Variants in MYO1D observed in about 807,000 individuals in gnomAD.
MYO1D encodes myosin ID.
Under a neutral mutation model 122.0 loss-of-function variants are expected in MYO1D, and 83 were observed. That is an observed-to-expected ratio of 0.68 (90% confidence interval 0.57 to 0.82). MYO1D has a LOEUF of 0.82. MYO1D is among the 40% of genes least tolerant of loss of function. MYO1D has a pLI of 0.00. For missense variants in MYO1D, 1,157 were observed against 1,269.5 expected, an observed-to-expected ratio of 0.91 and a Z score of 1.35; for synonymous variants, 464 against 446.9, an observed-to-expected ratio of 1.04 and a Z score of -0.48.
At chr17:32,503,990 G>A (rs976878651) in intron 21 of MYO1D, among the ~76,000 whole-genome samples, 6 of 152,242 alleles carry the variant, frequency 3.9e-5, no homozygotes, top group African/African-American at 1.4e-4. Context: ...CAGCAACCAG[G>A]CCAAGTCCAG....
intron 20 of MYO1D, among the ~76,000 whole-genome samples, chr17:32,622,017 G>A (rs2087860691): frequency 6.6e-6 from 1 of 152,146 alleles, no homozygotes; most frequent in South Asian, 2.1e-4. Flanking sequence ...AAGCCACTCG[G>A]TCTGTGGTTT....
chr17:32,688,909 T>TGG (rs2089057627), intron 16 of MYO1D, among the ~76,000 whole-genome samples: 1 of 149,862 alleles, frequency 6.7e-6, no homozygotes, highest in Non-Finnish European at 1.5e-5. Flanking sequence ...TATGGTCTCT[T>TGG]TGATTTTTGA....
chr17:32,858,163 A>G (rs1242634987), intron 1 of MYO1D, among the ~76,000 whole-genome samples: 1 of 152,226 alleles, frequency 6.6e-6, no homozygotes, highest in Non-Finnish European at 1.5e-5. Flanking sequence ...CAAGAACCTA[A>G]TGAGTGAACC....
chr17:32,525,010 C>T (rs990792193), intron 21 of MYO1D, among the ~76,000 whole-genome samples: 1 of 152,186 alleles, frequency 6.6e-6, no homozygotes, highest in African/African-American at 2.4e-5. Flanking sequence ...GCCTACATCT[C>T]GTTACTTTTG....
At chr17:32,705,385 G>A (rs922993495) in intron 16 of MYO1D, among the ~76,000 whole-genome samples, 2 of 152,088 alleles carry the variant, frequency 1.3e-5, no homozygotes, top group Admixed American at 6.5e-5. Flanking sequence ...TCAGCCTCCT[G>A]AGTAGCTGGG....
In MYO1D at chr17:32,577,777, C is replaced by T. The variant is rs562685414; in HGVS notation, c.2864+27310G>A. On this transcript the variant is annotated intron_variant, in intron 21 of 21. Coordinates refer to ENST00000318217, the MANE Select transcript of MYO1D (RefSeq NM_015194.3). ...CTTTTGAGACGGAGTCTTGCTCTGTCACCCAGGCTGGAGTGCAGTGGCACG... is the reference window on the plus strand; with the variant it reads ...CTTTTGAGACGGAGTCTTGCTCTGTTACCCAGGCTGGAGTGCAGTGGCACG... 6.6e-5 allele frequency among the ~76,000 whole-genome samples: 10 copies of T among 150,776 alleles called. No homozygotes were observed. In the East Asian group the frequency reaches 1.9e-3, roughly 29 times the overall value.
At chr17:32,521,248 C>T (rs1030955863) in intron 21 of MYO1D, among the ~76,000 whole-genome samples, 4 of 152,290 alleles carry the variant, frequency 2.6e-5, no homozygotes, top group African/African-American at 9.6e-5. Flanking sequence ...ATTCTTCCAT[C>T]CTGAACCATG....
intron 1 of MYO1D, among the ~76,000 whole-genome samples, chr17:32,819,760 C>A (rs1414812277): frequency 6.6e-6 from 1 of 152,102 alleles, no homozygotes; most frequent in Non-Finnish European, 1.5e-5. Context: ...GAGTATGAGC[C>A]AGATACTGTT....
At chr17:32,791,540 A>C (rs1465819946) in intron 1 of MYO1D, among the ~76,000 whole-genome samples, 1 of 152,106 alleles carries the variant, frequency 6.6e-6, no homozygotes, top group African/African-American at 2.4e-5. Flanking sequence ...GAATTATTTA[A>C]TGATAGGGGC....
chr17:32,742,930 T>C (rs1025582604), intron 13 of MYO1D, among the ~76,000 whole-genome samples: 1 of 152,242 alleles, frequency 6.6e-6, no homozygotes, highest in Non-Finnish European at 1.5e-5. Context: ...TGGAAACCAG[T>C]GTTGTCAAGA....
At chr17:32,794,740 T>C (rs529090649) in intron 1 of MYO1D, among the ~76,000 whole-genome samples, 12 of 152,000 alleles carry the variant, frequency 7.9e-5, no homozygotes, top group South Asian at 6.3e-4. Flanking sequence ...AGAGAGAGCA[T>C]AGGGAGAGAG....
At chr17:32,721,998 TTTGA>T (rs1223396219) in intron 14 of MYO1D, among the ~76,000 whole-genome samples, 3 of 152,250 alleles carry the variant, frequency 2.0e-5, no homozygotes, top group Admixed American at 6.5e-5. Context: ...ACAGATGCAC[TTTGA>T]TTAAGATACA....
At chr17:32,862,321 G>A (rs910034414) in intron 1 of MYO1D, among the ~76,000 whole-genome samples, 1 of 152,146 alleles carries the variant, frequency 6.6e-6, no homozygotes, top group African/African-American at 2.4e-5. Flanking sequence ...TCAGTTCTAT[G>A]AGAACAAGAA....
At chr17:32,514,022 T>A (rs976686835) in intron 21 of MYO1D, among the ~76,000 whole-genome samples, 1 of 151,550 alleles carries the variant, frequency 6.6e-6, no homozygotes, top group Non-Finnish European at 1.5e-5. Context: ...GGCGGGTAGA[T>A]CATGAGGTCA....
At chr17:32,603,038 C>T (rs1350310722) in intron 21 of MYO1D, among the ~76,000 whole-genome samples, 1 of 151,332 alleles carries the variant, frequency 6.6e-6, no homozygotes, top group Admixed American at 6.6e-5. Context: ...TTCCACTTCA[C>T]TCTTAATTCA....
chr17:32,681,024 CT>C lies in MYO1D; in HGVS notation c.2122-21687del, dbSNP rs1357155243. Among the ~76,000 whole-genome samples, 18 of 152,234 alleles carry C rather than the reference CT, an allele frequency of 1.2e-4. No homozygotes were observed. The East Asian group carries it at 3.3e-3, about 28-fold the overall frequency. On this transcript the variant is annotated intron_variant, in intron 16 of 21. Transcript: ENST00000318217. Reference sequence around the variant, plus strand: ...AATTTATCCATTTCTTCTAGATTTTCTAGTTTATTTGTGTAGAGGTGTTTGT... The same window carrying C: ...AATTTATCCATTTCTTCTAGATTTTCAGTTTATTTGTGTAGAGGTGTTTGT...
At chr17:32,671,906 C>T (rs1254087490) in intron 16 of MYO1D, among the ~76,000 whole-genome samples, 1 of 152,176 alleles carries the variant, frequency 6.6e-6, no homozygotes, top group African/African-American at 2.4e-5. Flanking sequence ...CTTTTGTTCA[C>T]CACAGATTTG....
At chr17:32,869,716 CAA>C (rs2091162256) in intron 1 of MYO1D, among the ~76,000 whole-genome samples, 2 of 151,924 alleles carry the variant, frequency 1.3e-5, no homozygotes, top group Admixed American at 6.6e-5. Context: ...ATTTTTGTCT[CAA>C]AGTTAAGCAA....
At chr17:32,565,728 G>GTA (rs1471409546) in intron 21 of MYO1D, among the ~76,000 whole-genome samples, 1 of 147,854 alleles carries the variant, frequency 6.8e-6, no homozygotes, top group Non-Finnish European at 1.5e-5. Flanking sequence ...TTCAGAGTGT[G>GTA]TGTGTTTTTT....
Sources: allele counts gnomAD v4.1 joint callset (sites outside exome capture counted in the v4.1 genomes callset), GRCh38; gene constraint gnomAD v4.1.1; transcripts MANE v1.5; gene names NCBI Gene and HGNC (gene_info 2026-07-23, HGNC 2026-07-21).